The following EXOSC4 variants were observed in gnomAD, a reference collection of about 807,000 sequenced individuals.
EXOSC4 encodes the protein exosome complex component RRP41.
EXOSC4 carries 14 observed loss-of-function variants against 20.0 expected under a neutral mutation model. The observed-to-expected ratio is 0.70, with a 90% CI of 0.46 to 1.09. The LOEUF (loss-of-function observed/expected upper bound fraction) is 1.09. EXOSC4 is among the 50% of genes least tolerant of loss of function. The pLI is 0.00. For missense variants in EXOSC4, 337 were observed against 334.0 expected, an observed-to-expected ratio of 1.01 and a Z score of -0.07; for synonymous variants, 148 against 146.4, an observed-to-expected ratio of 1.01 and a Z score of -0.08.
the EXOSC4 span, among the ~76,000 whole-genome samples, chr8:144,066,896 G>A: frequency 1.3e-5 from 2 of 151,910 alleles, no homozygotes; most frequent in African/African-American, 4.8e-5. Context: ...GAGGCCAGCC[G>A]GACCAACGTG....
At chr8:144,078,662 G>A, upstream of EXOSC4, 1 of 1,340,750 alleles carries the variant, frequency 7.5e-7, no homozygotes, top group Non-Finnish European at 9.6e-7. This position sits in a 1 kb window ranked among gnomAD's most constrained non-coding sequence, Gnocchi z 4.7. Flanking sequence ...GGTCGGAGCC[G>A]CCGGGAGCTG....
the EXOSC4 span, among the ~76,000 whole-genome samples, chr8:144,072,247 C>T: frequency 6.6e-6 from 1 of 152,150 alleles, no homozygotes; most frequent in African/African-American, 2.4e-5. Flanking sequence ...GTGGCACAAT[C>T]TCAGCTCACT....
In EXOSC4 at chr8:144,080,368, G is replaced by T. The variant is rs1554763316; in HGVS notation, c.505G>T (p.Ala169Ser). Residue 169 changes from alanine to serine, a missense_variant, in exon 3 of 3, where the codon GCC becomes TCC. Physicochemically the swap from Ala to Ser is moderately conservative, Grantham distance 99. Transcript: ENST00000316052. The surrounding 1 kb of genome is among the most constrained non-coding windows in gnomAD (Gnocchi z 4.9). ...ACSAGFVDGT[A>S]LADLSHVEEA... ...CTCAGCTGGCTTCGTGGACGGCACA[G>T]CCCTGGCGGACCTCAGCCATGTGGA... 6.2e-7 allele frequency: 1 copy of T among 1,612,676 alleles called. No individual in the cohort carries two copies. The highest frequency in any genetic ancestry group is 8.5e-7 in the Non-Finnish European group (1 of 1,180,026).
Position 144,078,744 on chromosome 8 carries a change from C to G in EXOSC4, c.16C>G (p.Leu6Val). The G allele has an allele frequency of 6.8e-7, 1 of 1,477,390 alleles. No homozygotes were observed. Among genetic ancestry groups the G allele is most frequent in the Non-Finnish European group, 9.0e-7 (1 of 1,112,110 alleles). 91.5% of individuals were successfully genotyped at this position (1,477,390 alleles called of 1,614,324 possible). A position where few individuals can be genotyped will look rare whatever the true frequency, so the allele number is the denominator to read the frequency against. The change falls in exon 1 of 3, where the codon CTC becomes GTC. Residue 6 changes from leucine (L) to valine (V), a missense_variant. Coordinates refer to ENST00000316052, the MANE Select transcript of EXOSC4 (RefSeq NM_019037.3). The surrounding 1 kb of genome is among the most constrained non-coding windows in gnomAD (Gnocchi z 4.7). Reference protein sequence around the residue: MAGLELLSDQGYRVDG... With the variant: MAGLEVLSDQGYRVDG... ...GCCGGGCAGCATGGCGGGGCTGGAG[C>G]TCTTGTCGGACCAGGGCTACCGGGT...
chr8:144,070,878 C>G, the EXOSC4 span, among the ~76,000 whole-genome samples: 4 of 152,088 alleles, frequency 2.6e-5, no homozygotes, highest in East Asian at 7.7e-4. Context: ...CTACAGGAGC[C>G]TCATTGGCTT....
At chr8:144,072,503 C>T in the EXOSC4 span, among the ~76,000 whole-genome samples, 1 of 152,090 alleles carries the variant, frequency 6.6e-6, no homozygotes, top group South Asian at 2.1e-4. Flanking sequence ...CTCCTATCTA[C>T]CTGTATGTTT....
chr8:144,069,084 T>C, the EXOSC4 span, among the ~76,000 whole-genome samples: 3 of 152,222 alleles, frequency 2.0e-5, no homozygotes, highest in Admixed American at 6.5e-5. Context: ...TGTGTGAAAC[T>C]GATAGCAGCA....
the EXOSC4 span, among the ~76,000 whole-genome samples, chr8:144,067,515 T>C: frequency 1.3e-5 from 2 of 152,130 alleles, no homozygotes; most frequent in Admixed American, 1.3e-4. Flanking sequence ...GAGAAAGCTT[T>C]GAAAGTTAAC....
chr8:144,072,037 T>C, the EXOSC4 span, among the ~76,000 whole-genome samples: 21 of 152,316 alleles, frequency 1.4e-4, 1 homozygote, highest in African/African-American at 5.1e-4. Flanking sequence ...TGTGATACTG[T>C]GTTACATGCA....
the EXOSC4 span, among the ~76,000 whole-genome samples, chr8:144,066,484 C>T: frequency 1.4e-5 from 2 of 145,998 alleles, no homozygotes; most frequent in African/African-American, 5.2e-5. Context: ...CTCTGTCACC[C>T]AGGCTGGAGT....
upstream of EXOSC4, among the ~76,000 whole-genome samples, chr8:144,077,316 A>G (rs981342870): frequency 6.6e-6 from 1 of 152,224 alleles, no homozygotes; most frequent in Non-Finnish European, 1.5e-5. Flanking sequence ...GTAAGAGCTC[A>G]GACTGAAAGG....
intron 1 of EXOSC4, 40 bp from the exon 2 acceptor site, chr8:144,079,903 G>C (rs782588361): frequency 6.3e-7 from 1 of 1,593,186 alleles, no homozygotes; most frequent in Non-Finnish European, 8.6e-7. Flanking sequence ...AGTGTGAGCT[G>C]GAAGGAGTGG....
At chr8:144,069,616 A>G in the EXOSC4 span, among the ~76,000 whole-genome samples, 1 of 152,232 alleles carries the variant, frequency 6.6e-6, no homozygotes, top group African/African-American at 2.4e-5. Context: ...AGCCTCCTTA[A>G]CTGCATCTCA....
At chr8:144,070,672 CA>C in the EXOSC4 span, among the ~76,000 whole-genome samples, 1 of 151,282 alleles carries the variant, frequency 6.6e-6, no homozygotes, top group Admixed American at 6.6e-5. Context: ...ATTAAAAATA[CA>C]AAACATTAGC....
In EXOSC4 at chr8:144,078,920, G is replaced by T. The variant is rs570070699; in HGVS notation, c.171+21G>T. The T allele has an allele frequency of 2.1e-6, 3 of 1,456,540 alleles. No homozygotes were observed. The highest frequency in any genetic ancestry group is 2.7e-6 in the Non-Finnish European group (3 of 1,100,678). The allele number at this position is 1,456,540 out of a possible 1,614,324, so 90.2% of individuals were successfully genotyped here. A position where few individuals can be genotyped will look rare whatever the true frequency, so the allele number is the denominator to read the frequency against. ...ACGAGGCGAGTGGGCGCGCGGGATG[G>T]GGAATCGTGTGGCCGTGGGAGCTGC... On this transcript the variant is annotated intron_variant, in intron 1 of 2. Transcript: ENST00000316052. This position sits in a 1 kb window ranked among gnomAD's most constrained non-coding sequence, Gnocchi z 4.7.
In EXOSC4 at chr8:144,079,922, CAT is replaced by C; in HGVS notation, c.172-20_172-19del. 6.2e-7 allele frequency: 1 copy of C among 1,612,382 alleles called. No homozygotes were observed. Among genetic ancestry groups the C allele is most frequent in the Non-Finnish European group, 8.5e-7 (1 of 1,178,620 alleles). ...TGAGCTGGAAGGAGTGGGCCTGGCT[CAT>C]GTGTCTGTCCTCTTCCAGATCCGGG... On this transcript the variant is annotated intron_variant, in intron 1 of 2. Coordinates refer to ENST00000316052, the MANE Select transcript of EXOSC4 (RefSeq NM_019037.3).
intron 1 of EXOSC4, chr8:144,079,183 C>G: frequency 2.9e-6 from 1 of 341,668 alleles, no homozygotes; most frequent in Non-Finnish European, 5.3e-6. Context: ...AGCTCTACTC[C>G]GACGTCACTC....
chr8:144,072,930 T>C, the EXOSC4 span, among the ~76,000 whole-genome samples: 1 of 152,238 alleles, frequency 6.6e-6, no homozygotes, highest in Non-Finnish European at 1.5e-5. Context: ...CAGGCAACAG[T>C]AAGTGCCTTT....
At chr8:144,078,256 C>G (rs1554762946), upstream of EXOSC4, 2 of 153,804 alleles carry the variant, frequency 1.3e-5, no homozygotes, top group African/African-American at 4.8e-5. This position sits in a 1 kb window ranked among gnomAD's most constrained non-coding sequence, Gnocchi z 4.7. Flanking sequence ...CTGTCAGTGT[C>G]GCACCCCACT....
Sources: gnomAD v4.1 joint callset for allele counts (sites outside exome capture counted in the v4.1 genomes callset) on GRCh38, gnomAD v4.1.1 for gene constraint, Gnocchi (gnomAD v3.1) non-coding constraint, MANE v1.5 for transcripts, NCBI Gene and HGNC (gene_info 2026-07-23, HGNC 2026-07-21) for gene names.